CCDC171: variants seen among roughly 807,000 people sequenced by gnomAD.
The protein encoded by CCDC171 is coiled-coil domain-containing protein 171.
In CCDC171, 177 loss-of-function variants were observed where a neutral mutation model predicts 168.2. That is an observed-to-expected ratio of 1.05 (90% confidence interval 0.93 to 1.19). CCDC171 has a LOEUF of 1.19. CCDC171 is among the 50% of genes most tolerant of loss of function. The pLI is 0.00. For missense variants in CCDC171, 1,991 were observed against 1,539.0 expected (o/e 1.29, Z -4.91); for synonymous variants, 687 against 540.8 (o/e 1.27, Z -3.75).
chr9:15,874,124 C>T, intron 23 of CCDC171, among the ~76,000 whole-genome samples: 1 of 152,046 alleles, frequency 6.6e-6, no homozygotes, highest in East Asian at 1.9e-4. Flanking sequence ...ACTATCTTGT[C>T]CAATATGTAT....
intron 1 of CCDC171, among the ~76,000 whole-genome samples, chr9:16,055,943 C>G (rs1026131609): frequency 3.9e-5 from 6 of 152,222 alleles, no homozygotes; most frequent in African/African-American, 7.2e-5. Flanking sequence ...CGTGTACCCT[C>G]TATATGCCAA....
upstream of CCDC171, among the ~76,000 whole-genome samples, chr9:16,038,516 G>C (rs1350837222): frequency 2.0e-5 from 3 of 152,232 alleles, no homozygotes; most frequent in East Asian, 3.9e-4. Flanking sequence ...TGTTAAAAAT[G>C]TAAGGGTAAC....
At chr9:15,676,326 CT>C (rs2049557920) in intron 9 of CCDC171, among the ~76,000 whole-genome samples, 1 of 152,134 alleles carries the variant, frequency 6.6e-6, no homozygotes, top group Admixed American at 6.6e-5. Flanking sequence ...GAACATGCTC[CT>C]TTAGCTCGGA....
chr9:15,664,550 G>A (rs905115036), intron 8 of CCDC171, among the ~76,000 whole-genome samples: 1 of 31,972 alleles, frequency 3.1e-5, no homozygotes, highest in Non-Finnish European at 6.2e-5. Flanking sequence ...TGCTTGGCCT[G>A]TAGGCCCTTA....
At chr9:15,624,639 A>C (rs927640224) in intron 7 of CCDC171, among the ~76,000 whole-genome samples, 60 of 152,192 alleles carry the variant, frequency 3.9e-4, no homozygotes, top group Non-Finnish European at 1.6e-4. Flanking sequence ...AAGGGACATA[A>C]ACTCATCATT....
chr9:15,698,618 C>T (rs1054224576), intron 11 of CCDC171, among the ~76,000 whole-genome samples: 3 of 151,472 alleles, frequency 2.0e-5, no homozygotes, highest in Non-Finnish European at 4.4e-5. Flanking sequence ...TACGTTGCTA[C>T]AAATGACAGG....
intron 5 of CCDC171, among the ~76,000 whole-genome samples, chr9:15,592,305 A>G (rs886325043): frequency 6.6e-6 from 1 of 151,870 alleles, no homozygotes; most frequent in African/African-American, 2.4e-5. Flanking sequence ...TAGCCACTGT[A>G]CTCCAGCCTG....
At chr9:16,030,160 T>G (rs76529931) in intron 6 of CCDC171, among the ~76,000 whole-genome samples, 1 of 152,308 alleles carries the variant, frequency 6.6e-6, no homozygotes, top group East Asian at 1.9e-4. Flanking sequence ...TACCATCACC[T>G]TGGTGATTTG....
chr9:16,052,579 A>G (rs1372448515), intron 1 of CCDC171, among the ~76,000 whole-genome samples: 1 of 152,176 alleles, frequency 6.6e-6, no homozygotes, highest in Admixed American at 6.5e-5. Flanking sequence ...CAGCTTTAAA[A>G]TAAAATTTGC....
At chr9:15,920,087 A>G (rs1225987548) in intron 24 of CCDC171, among the ~76,000 whole-genome samples, 183 bp from the exon 25 acceptor site, 1 of 151,696 alleles carries the variant, frequency 6.6e-6, no homozygotes, top group Non-Finnish European at 1.5e-5. Flanking sequence ...TTATTTTCTC[A>G]CAAACTTTCT....
At chr9:15,621,841 T>C (rs2044534383) in intron 6 of CCDC171, among the ~76,000 whole-genome samples, 1 of 152,216 alleles carries the variant, frequency 6.6e-6, no homozygotes, top group Non-Finnish European at 1.5e-5. Context: ...ATATGTTCAT[T>C]GCAGCACTAT....
chr9:15,565,402 G>A (rs988762451), intron 2 of CCDC171, among the ~76,000 whole-genome samples: 4 of 152,058 alleles, frequency 2.6e-5, no homozygotes, highest in Admixed American at 1.3e-4. Flanking sequence ...CAGGCTGTCT[G>A]AGAACTCCTG....
rs989311893 is a variant in CCDC171 at position 15,785,977 on chromosome 9, A to G, written c.3267+1283A>G. 2.6e-5 allele frequency among the ~76,000 whole-genome samples: 4 copies of G among 152,156 alleles called. No homozygotes were observed. In the East Asian group the frequency reaches 7.7e-4, roughly 29 times the overall value. ...GAAACTGGGATTTAGTTTTCAGGAA[A>G]ATTAGAAAATTTTGAAATCTAAAGC... On this transcript the variant is annotated intron_variant, in intron 21 of 25. Transcript: ENST00000380701.
At chr9:15,555,261 A>T (rs1270817471) in intron 1 of CCDC171, among the ~76,000 whole-genome samples, 1 of 152,168 alleles carries the variant, frequency 6.6e-6, no homozygotes, top group Admixed American at 6.5e-5. Context: ...AGATTAGTTC[A>T]ACTCCACTAT....
chr9:15,559,902 C>A (rs1427621216), intron 1 of CCDC171, among the ~76,000 whole-genome samples: 2 of 152,070 alleles, frequency 1.3e-5, no homozygotes, highest in Admixed American at 6.6e-5. Flanking sequence ...GTGCTTCCTT[C>A]AGGAGCTCTT....
intron 3 of CCDC171, among the ~76,000 whole-genome samples, chr9:15,991,108 A>G (rs1832181104): frequency 1.3e-5 from 2 of 152,292 alleles, no homozygotes; most frequent in African/African-American, 2.4e-5. Flanking sequence ...TCCACCCCAA[A>G]TCAACAGAAT....
chr9:15,671,234 C>T (rs1042456984), intron 9 of CCDC171, among the ~76,000 whole-genome samples: 1 of 152,110 alleles, frequency 6.6e-6, no homozygotes, highest in African/African-American at 2.4e-5. Context: ...CCGAAAGTCT[C>T]TCATGTTCCT....
At chr9:15,719,836 T>A (rs2053357389) in intron 11 of CCDC171, among the ~76,000 whole-genome samples, 1 of 152,278 alleles carries the variant, frequency 6.6e-6, no homozygotes, top group Non-Finnish European at 1.5e-5. Context: ...ATTCATGGTC[T>A]ACTTGTGTAG....
chr9:15,568,399 T>C (rs914233927), intron 2 of CCDC171, among the ~76,000 whole-genome samples: 1 of 151,352 alleles, frequency 6.6e-6, no homozygotes, highest in Non-Finnish European at 1.5e-5. Flanking sequence ...GCCTCCGGAG[T>C]AGCTGGGACT....
Sources: gnomAD v4.1 joint callset for allele counts (sites outside exome capture counted in the v4.1 genomes callset) on GRCh38, gnomAD v4.1.1 for gene constraint, MANE v1.5 for transcripts, NCBI Gene and HGNC (gene_info 2026-07-23, HGNC 2026-07-21) for gene names.